FSTL4: variants seen among roughly 807,000 people sequenced by gnomAD.
FSTL4 encodes follistatin-related protein 4.
Under a neutral mutation model 78.2 loss-of-function variants are expected in FSTL4, and 28 were observed. That is an observed-to-expected ratio of 0.36 (90% confidence interval 0.27 to 0.49). FSTL4 has a LOEUF of 0.49. FSTL4 is among the 20% of genes least tolerant of loss of function. The pLI is 0.98. For synonymous variants in FSTL4, 422 were observed against 440.5 expected, an observed-to-expected ratio of 0.96 and a Z score of 0.53; for missense variants, 922 against 1,084.9, an observed-to-expected ratio of 0.85 and a Z score of 2.11.
the FSTL4 span, among the ~76,000 whole-genome samples, chr5:133,666,967 C>T: frequency 6.6e-6 from 1 of 152,302 alleles, no homozygotes; most frequent in East Asian, 1.9e-4. Flanking sequence ...ATGATGATCC[C>T]CAAATTTCTA....
intron 3 of FSTL4, among the ~76,000 whole-genome samples, chr5:133,538,952 G>A (rs1217484054): frequency 2.6e-5 from 4 of 152,122 alleles, no homozygotes; most frequent in Non-Finnish European, 4.4e-5. Flanking sequence ...GCATCTCCAC[G>A]TGGTCTCTAC....
chr5:133,314,392 C>A (rs995378872), intron 5 of FSTL4, among the ~76,000 whole-genome samples: 6 of 152,200 alleles, frequency 3.9e-5, no homozygotes, highest in Non-Finnish European at 8.8e-5. Flanking sequence ...AATGGGCTTG[C>A]GCGAGCCACT....
chr5:133,802,071 A>C, the FSTL4 span, among the ~76,000 whole-genome samples: 245 of 152,332 alleles, frequency 1.6e-3, 6 homozygotes, highest in East Asian at 0.044. Flanking sequence ...TCTCCTTCAG[A>C]GCACTTAGCT....
chr5:133,383,683 C>A (rs1220286200), intron 4 of FSTL4, among the ~76,000 whole-genome samples: 1 of 152,218 alleles, frequency 6.6e-6, no homozygotes, highest in Non-Finnish European at 1.5e-5. Context: ...GGGTCTCCTG[C>A]CGCAGCCTTC....
chr5:133,217,184 T>C lies in FSTL4; in HGVS notation c.1608+45A>G, dbSNP rs955503002. The C allele has an allele frequency of 1.9e-6, 3 of 1,548,714 alleles. No individual in the cohort carries two copies. In the African/African-American group the frequency reaches 4.1e-5, roughly 21 times the overall value. On this transcript the variant is annotated intron_variant, in intron 13 of 15. Coordinates refer to ENST00000265342, the MANE Select transcript of FSTL4 (RefSeq NM_015082.2). ...AAGCAAAGAAGAATGTGGCAGGCTG[T>C]GCCCCAGAATTTGAAGTTTTCCTCA...
intron 3 of FSTL4, among the ~76,000 whole-genome samples, chr5:133,550,233 T>A (rs1759664907): frequency 6.6e-6 from 1 of 152,240 alleles, no homozygotes; most frequent in Non-Finnish European, 1.5e-5. Flanking sequence ...GTCAGCTAAG[T>A]TATCTAGCCT....
intron 3 of FSTL4, among the ~76,000 whole-genome samples, chr5:133,474,640 C>G (rs1757891696): frequency 6.6e-6 from 1 of 152,202 alleles, no homozygotes; most frequent in African/African-American, 2.4e-5. Flanking sequence ...TTTTCTGCTT[C>G]CCTACCCTGG....
intron 2 of FSTL4, among the ~76,000 whole-genome samples, chr5:133,589,309 G>T (rs1300967718): frequency 7.5e-6 from 1 of 133,810 alleles, no homozygotes; most frequent in Non-Finnish European, 1.7e-5. Flanking sequence ...AAAGATCAAG[G>T]CCCCAGAACC....
intron 6 of FSTL4, among the ~76,000 whole-genome samples, chr5:133,308,993 C>A (rs775238470): frequency 2.6e-5 from 4 of 152,174 alleles, no homozygotes; most frequent in Non-Finnish European, 5.9e-5. Flanking sequence ...GCAGAAGAAA[C>A]TTGCAATGAA....
chr5:133,837,714 A>G, the FSTL4 span, among the ~76,000 whole-genome samples: 6 of 152,124 alleles, frequency 3.9e-5, no homozygotes, highest in East Asian at 9.6e-4. Flanking sequence ...TAGAACCACA[A>G]TTTTCCCCTG....
intron 3 of FSTL4, among the ~76,000 whole-genome samples, chr5:133,435,929 C>T (rs1235012302): frequency 1.3e-5 from 2 of 152,218 alleles, no homozygotes; most frequent in Non-Finnish European, 2.9e-5. Flanking sequence ...ACTTCGCCCA[C>T]TCTTTTTCCT....
intron 2 of FSTL4, among the ~76,000 whole-genome samples, chr5:133,577,448 G>A (rs1253220196): frequency 6.6e-6 from 1 of 152,124 alleles, no homozygotes; most frequent in Non-Finnish European, 1.5e-5. Flanking sequence ...TGGGCTTACT[G>A]CCTTAAAGAA....
chr5:133,363,016 C>T (rs1034503984), intron 4 of FSTL4, among the ~76,000 whole-genome samples: 8 of 152,048 alleles, frequency 5.3e-5, no homozygotes, highest in Non-Finnish European at 1.2e-4. Context: ...CCCTTTAGAG[C>T]TCTTATTTTA....
chr5:133,272,492 A>G (rs1461726540), intron 6 of FSTL4, among the ~76,000 whole-genome samples: 14 of 152,224 alleles, frequency 9.2e-5, no homozygotes, highest in Admixed American at 9.2e-4. Flanking sequence ...ATTAATATAC[A>G]CGGGCTTGTT....
chr5:133,412,923 T>G (rs1306014780), intron 3 of FSTL4, among the ~76,000 whole-genome samples: 1 of 152,170 alleles, frequency 6.6e-6, no homozygotes, highest in Non-Finnish European at 1.5e-5. Context: ...GTCCTTATAG[T>G]ACCCCCACAT....
intron 3 of FSTL4, among the ~76,000 whole-genome samples, chr5:133,412,994 TTCTC>T (rs1756509684): frequency 6.6e-6 from 1 of 152,142 alleles, no homozygotes; most frequent in African/African-American, 2.4e-5. Flanking sequence ...GTGGTCCTCT[TTCTC>T]TCTTTTGGTT....
chr5:133,477,494 T>G (rs1322844153), intron 3 of FSTL4, among the ~76,000 whole-genome samples: 2 of 152,130 alleles, frequency 1.3e-5, no homozygotes, highest in African/African-American at 4.8e-5. Flanking sequence ...GGAGACAGGG[T>G]TTAACTATGT....
chr5:133,827,282 T>C, the FSTL4 span, among the ~76,000 whole-genome samples: 1 of 152,188 alleles, frequency 6.6e-6, no homozygotes, highest in Admixed American at 6.5e-5. Flanking sequence ...CACACCTGGC[T>C]GCCTCTGACA....
At chr5:133,488,767 G>T (rs143052027) in intron 3 of FSTL4, among the ~76,000 whole-genome samples, 3 of 152,268 alleles carry the variant, frequency 2.0e-5, no homozygotes, top group Middle Eastern at 3.4e-3. Context: ...TGGGTATGGG[G>T]GTGTTGGCTG....
Sources: allele counts gnomAD v4.1 joint callset (sites outside exome capture counted in the v4.1 genomes callset), GRCh38; gene constraint gnomAD v4.1.1; transcripts MANE v1.5; gene names NCBI Gene and HGNC (gene_info 2026-07-23, HGNC 2026-07-21).